Variants in COL16A1 observed in about 807,000 individuals in gnomAD.
COL16A1 encodes the protein collagen type XVI alpha 1 chain, also known as collagen alpha-1(XVI) chain.
Under a neutral mutation model 266.3 loss-of-function variants are expected in COL16A1, and 189 were observed. The observed-to-expected ratio is 0.71, with a 90% CI of 0.63 to 0.80. COL16A1 has a LOEUF of 0.80. COL16A1 is among the 30% of genes least tolerant of loss of function. The pLI is 0.00. For synonymous variants in COL16A1, 740 were observed against 782.3 expected, an observed-to-expected ratio of 0.95 and a Z score of 0.90; for missense variants, 1,928 against 2,122.4, an observed-to-expected ratio of 0.91 and a Z score of 1.80.
intron 22 of COL16A1, 55 bp downstream of exon 22, chr1:31,690,312 G>A (rs949784218): frequency 6.2e-6 from 10 of 1,610,906 alleles, no homozygotes; most frequent in Non-Finnish European, 7.6e-6. Flanking sequence ...ACTGTCATGT[G>A]CAGAAAGGGG....
In COL16A1 at chr1:31,691,409, G is replaced by A. The variant is rs372290255; in HGVS notation, c.1398+8C>T. ...AAAGCACAGCAGGAGAAGCAAGGGG[G>A]TACTCACCGGGGTCCCAGGCAGTCC... On this transcript the variant is annotated splice_region_variant and intron_variant, in intron 19 of 70. Transcript: ENST00000373672. 1.9e-6 allele frequency: 3 copies of A among 1,607,524 alleles called. No individual in the cohort carries two copies. Among genetic ancestry groups the A allele is most frequent in the African/African-American group, 2.7e-5 (2 of 74,750 alleles).
chr1:31,690,066 C>T (rs906062965), intron 22 of COL16A1: 8 of 619,182 alleles, frequency 1.3e-5, no homozygotes, highest in Middle Eastern at 4.3e-4. Flanking sequence ...ACATCCTCGC[C>T]GTAAGCCTTA....
intron 42 of COL16A1, among the ~76,000 whole-genome samples, chr1:31,678,476 G>A (rs183264003): frequency 2.6e-5 from 4 of 152,280 alleles, no homozygotes; most frequent in East Asian, 1.9e-4. Flanking sequence ...ATTCCTAGTC[G>A]GGCGGCCTTA....
At chr1:31,684,319 C>T in intron 31 of COL16A1, 88 bp from the exon 32 acceptor site, 4 of 1,447,154 alleles carry the variant, frequency 2.8e-6, no homozygotes, top group Non-Finnish European at 3.6e-6. Flanking sequence ...ACACTCTGCC[C>T]CTTGAATGCT....
At chr1:31,655,150 G>C (rs907816303) in intron 67 of COL16A1, among the ~76,000 whole-genome samples, 164 bp downstream of exon 67, 1 of 151,732 alleles carries the variant, frequency 6.6e-6, no homozygotes, top group East Asian at 1.9e-4. Context: ...CTGGGGAGAG[G>C]GTCCTATCAT....
At chr1:31,680,822 C>G (rs922894125) in intron 39 of COL16A1, 83 bp downstream of exon 39, 1 of 1,606,220 alleles carries the variant, frequency 6.2e-7, no homozygotes, top group Non-Finnish European at 8.5e-7. Context: ...GGCTGCTAAT[C>G]CCCCAGAGTA....
Position 31,675,328 on chromosome 1 carries a change from A to G in COL16A1, c.2773-17T>C, listed in dbSNP as rs369781255. On this transcript the variant is annotated splice_polypyrimidine_tract_variant and intron_variant, in intron 42 of 70. Transcript: ENST00000373672. Reference sequence around the variant, plus strand: ...AGGCACTCCCTGTAGCCAAGAAGAGACACGAGTGAGTGGGCTCCATCTCTC... The same window carrying G: ...AGGCACTCCCTGTAGCCAAGAAGAGGCACGAGTGAGTGGGCTCCATCTCTC... The G allele has an allele frequency of 2.9e-5, 47 of 1,612,770 alleles. No homozygotes were observed. The highest frequency in any genetic ancestry group is 3.8e-5 in the Non-Finnish European group (45 of 1,179,576).
At chr1:31,691,069 C>G in intron 20 of COL16A1, 119 bp downstream of exon 20, 6 of 1,489,788 alleles carry the variant, frequency 4.0e-6, no homozygotes, top group Non-Finnish European at 9.0e-7. Context: ...CCTCCTCCTC[C>G]AAAGGCCCGG....
intron 1 of COL16A1, among the ~76,000 whole-genome samples, chr1:31,703,127 G>A (rs1415566733): frequency 6.6e-6 from 1 of 152,156 alleles, no homozygotes; most frequent in East Asian, 1.9e-4. Flanking sequence ...ACACAGGCAT[G>A]CTCACGGAAA....
At chr1:31,674,125 A>C (rs1642973811) in intron 44 of COL16A1, among the ~76,000 whole-genome samples, 1 of 152,300 alleles carries the variant, frequency 6.6e-6, no homozygotes, top group South Asian at 2.1e-4. Context: ...CGTTCAGAGC[A>C]GGGAAGGGGT....
In COL16A1 at chr1:31,652,989, T is replaced by G. The variant is rs1640762012; in HGVS notation, c.4613-136A>C. 3.4e-6 allele frequency: 3 copies of G among 893,042 alleles called. No homozygotes were observed. Among genetic ancestry groups the G allele is most frequent in the South Asian group, 3.3e-5 (1 of 30,400 alleles). 55.3% of individuals were successfully genotyped at this position (893,042 alleles called of 1,614,324 possible). A position where few individuals can be genotyped will look rare whatever the true frequency, so the allele number is the denominator to read the frequency against. ...ACCACATGTTTTCATGAAGACCTAG[T>G]CTGATCCTCACGTTGATTTAACAAT... On this transcript the variant is annotated intron_variant, in intron 70 of 70. Coordinates refer to ENST00000373672, the MANE Select transcript of COL16A1 (RefSeq NM_001856.4). This position sits in a 1 kb window ranked among gnomAD's most constrained non-coding sequence, Gnocchi z 4.8.
Position 31,664,246 on chromosome 1 carries a change from CTGG to C in COL16A1, c.3555+923_3555+925del, listed in dbSNP as rs1641939506. On this transcript the variant is annotated intron_variant, in intron 56 of 70. Transcript: ENST00000373672. The surrounding 1 kb of genome is among the most constrained non-coding windows in gnomAD (Gnocchi z 5.5). The stretch of plus-strand genomic sequence containing the variant: ...CAAGCATGGCTGATCAGCATGGGCT[CTGG>C]GGAGGTAGTGAGGTGCCCGGGTCCT... 6.6e-6 allele frequency among the ~76,000 whole-genome samples: 1 copy of C among 152,168 alleles called. No homozygotes were observed.
rs1467844021 is a variant in COL16A1, at chr1:31,684,646, T to G, written c.2053-16A>C. On this transcript the variant is annotated splice_polypyrimidine_tract_variant and intron_variant, in intron 30 of 70. Transcript: ENST00000373672. Reference sequence around the variant, plus strand: ...CAGCATCACCCTGTAAGGAGTGGGGTTCAAGGAAAGCAAGGATGGCCCAGC... The same window carrying G: ...CAGCATCACCCTGTAAGGAGTGGGGGTCAAGGAAAGCAAGGATGGCCCAGC... The G allele has an allele frequency of 6.2e-7, 1 of 1,611,384 alleles. No individual in the cohort carries two copies. Among genetic ancestry groups the G allele is most frequent in the Non-Finnish European group, 8.5e-7 (1 of 1,178,568 alleles).
At chr1:31,695,688 A>T (rs1250167263) in intron 10 of COL16A1, 73 bp downstream of exon 10, 4 of 1,435,362 alleles carry the variant, frequency 2.8e-6, no homozygotes, top group Non-Finnish European at 9.8e-7. Flanking sequence ...TATGCTGAGG[A>T]TCCGTGCCCA....
intron 68 of COL16A1, 25 bp from the exon 69 acceptor site, chr1:31,654,068 G>A (rs777604880): frequency 1.9e-6 from 3 of 1,604,410 alleles, no homozygotes; most frequent in Admixed American, 1.7e-5. Context: ...CAAGGACAGG[G>A]ACAGGTCAGA....
In COL16A1 at chr1:31,670,728, G is replaced by A; in HGVS notation, c.3151-82C>T. 2.5e-6 allele frequency: 3 copies of A among 1,210,220 alleles called. No homozygotes were observed. Among genetic ancestry groups the A allele is most frequent in the South Asian group, 4.0e-5 (2 of 50,242 alleles). 75.0% of individuals were successfully genotyped at this position (1,210,220 alleles called of 1,614,324 possible). A position where few individuals can be genotyped will look rare whatever the true frequency, so the allele number is the denominator to read the frequency against. On this transcript the variant is annotated intron_variant, in intron 48 of 70. Coordinates refer to ENST00000373672, the MANE Select transcript of COL16A1 (RefSeq NM_001856.4). This position sits in a 1 kb window ranked among gnomAD's most constrained non-coding sequence, Gnocchi z 4.5. ...TGGAGGGCACAGTCTGGGGCTTGGG[G>A]GTCATGGGGAGAGGAGGTCATGGGA...
intron 13 of COL16A1, 30 bp from the exon 14 acceptor site, chr1:31,692,838 G>A (rs1644333993): frequency 6.2e-7 from 1 of 1,601,996 alleles, no homozygotes; most frequent in Non-Finnish European, 8.6e-7. Flanking sequence ...GATCAGGGGT[G>A]GGAACTCCTG....
In COL16A1 at chr1:31,662,606, G is replaced by A. The variant is rs780343404; in HGVS notation, c.3608C>T (p.Pro1203Leu). 1.3e-5 allele frequency: 20 copies of A among 1,566,760 alleles called. No individual in the cohort carries two copies. Among genetic ancestry groups the A allele is most frequent in the African/African-American group, 8.1e-5 (6 of 73,872 alleles). Residue 1203 changes from proline to leucine, a missense_variant, in exon 57 of 71, where the codon CCG (proline) becomes CTG (leucine). Physicochemically the swap from Pro to Leu is moderately conservative, Grantham distance 98 (BLOSUM62 -3). Around this residue, in one of 2 missense-constraint regions of COL16A1, gnomAD observed 1,552 missense variants for 1,637.2 expected, o/e 0.95. Transcript: ENST00000373672. ...PSGLPGSPGP[P>L]GPPGIQGPAG... is the part of the protein sequence containing the mutation. ...ACTCACCTGAATCCCAGGAGGTCCCGGTGGCCCAGGGGAGCCAGGCAGGCC... is the reference window on the plus strand; with the variant it reads ...ACTCACCTGAATCCCAGGAGGTCCCAGTGGCCCAGGGGAGCCAGGCAGGCC...
chr1:31,692,537 G>A (rs1644319031), intron 15 of COL16A1, 28 bp from the exon 16 acceptor site: 2 of 1,613,930 alleles, frequency 1.2e-6, no homozygotes, highest in Non-Finnish European at 1.7e-6. Flanking sequence ...GACAGAGGAA[G>A]GGAGGGTAAG....
Sources: allele counts gnomAD v4.1 joint callset (sites outside exome capture counted in the v4.1 genomes callset), GRCh38; gene constraint gnomAD v4.1.1; regional missense constraint gnomAD v4.1.1; non-coding constraint Gnocchi (gnomAD v3.1); transcripts MANE v1.5; gene names NCBI Gene and HGNC (gene_info 2026-07-23, HGNC 2026-07-21).